Variants in HIPK2 observed in about 807,000 individuals in gnomAD.
The protein encoded by HIPK2 is homeodomain interacting protein kinase 2.
A neutral mutation model predicts 113.7 loss-of-function variants in HIPK2; 27 were observed. That is an observed-to-expected ratio of 0.24 (90% CI 0.17 to 0.33). HIPK2 has a LOEUF of 0.33. Among genes scored for constraint, HIPK2 ranks in the 10% least tolerant of loss-of-function variants. The probability of loss-of-function intolerance (pLI) is 1.00; values close to 1 mark genes in which losing one functional copy is unlikely to be tolerated. For missense variants in HIPK2, 1,257 were observed against 1,588.0 expected, an observed-to-expected ratio of 0.79 and a Z score of 3.54; for synonymous variants, 631 against 642.2, an observed-to-expected ratio of 0.98 and a Z score of 0.26.
chr7:139,688,547 G>T (rs2116761222), intron 2 of HIPK2, among the ~76,000 whole-genome samples: 1 of 152,334 alleles, frequency 6.6e-6, no homozygotes, highest in South Asian at 2.1e-4. Flanking sequence ...TCTTCCAAGG[G>T]CTATGGTTGG....
At chr7:139,743,352 T>C (rs1276716787) in intron 1 of HIPK2, among the ~76,000 whole-genome samples, 1 of 152,182 alleles carries the variant, frequency 6.6e-6, no homozygotes, top group Non-Finnish European at 1.5e-5. Context: ...CCTAGAAAAC[T>C]CCCTTCTCTT....
At chr7:139,770,773 G>A (rs1796637012) in intron 1 of HIPK2, among the ~76,000 whole-genome samples, 1 of 152,196 alleles carries the variant, frequency 6.6e-6, no homozygotes, top group South Asian at 2.1e-4. Flanking sequence ...CTTAAACACA[G>A]TGGCATTTAA....
chr7:139,682,054 T>C (rs1192568594), intron 2 of HIPK2, among the ~76,000 whole-genome samples: 1 of 152,220 alleles, frequency 6.6e-6, no homozygotes, highest in African/African-American at 2.4e-5. Flanking sequence ...CTGGGCCATG[T>C]AGAGGACTCA....
chr7:139,684,704 G>C (rs931253401), intron 2 of HIPK2, among the ~76,000 whole-genome samples: 4 of 152,330 alleles, frequency 2.6e-5, no homozygotes, highest in East Asian at 1.9e-4. Flanking sequence ...ACAACAGAGA[G>C]AGACTGTCTT....
chr7:139,621,858 G>T (rs915706366), intron 6 of HIPK2, among the ~76,000 whole-genome samples: 1 of 149,502 alleles, frequency 6.7e-6, no homozygotes, highest in South Asian at 2.1e-4. Context: ...GTGAGGTCGA[G>T]GCTACAGTGA....
chr7:139,685,411 C>T (rs1794185876), intron 2 of HIPK2, among the ~76,000 whole-genome samples: 2 of 152,200 alleles, frequency 1.3e-5, no homozygotes, highest in Non-Finnish European at 2.9e-5. Flanking sequence ...AATCCTCCTT[C>T]CTCAGCTTCC....
intron 2 of HIPK2, among the ~76,000 whole-genome samples, chr7:139,642,728 GA>G (rs1179429973): frequency 6.6e-6 from 1 of 152,114 alleles, no homozygotes; most frequent in Non-Finnish European, 1.5e-5. Flanking sequence ...CAAGCAAAAG[GA>G]AAAAGGGACC....
intron 2 of HIPK2, among the ~76,000 whole-genome samples, chr7:139,679,303 A>C (rs947218597): frequency 3.9e-5 from 6 of 152,204 alleles, no homozygotes; most frequent in African/African-American, 1.4e-4. Flanking sequence ...ACCAGGGAGA[A>C]GCCTTCACGG....
At chr7:139,678,137 T>C (rs894473513) in intron 2 of HIPK2, among the ~76,000 whole-genome samples, 1 of 152,216 alleles carries the variant, frequency 6.6e-6, no homozygotes, top group Non-Finnish European at 1.5e-5. Context: ...GTCAGATGGA[T>C]AGATTGCAAA....
chr7:139,758,021 G>A (rs1292583339), intron 1 of HIPK2, among the ~76,000 whole-genome samples: 2 of 152,134 alleles, frequency 1.3e-5, no homozygotes, highest in Non-Finnish European at 2.9e-5. Context: ...AGAACACATA[G>A]AAAACATTGT....
Position 139,572,605 on chromosome 7 carries a change from T to G in HIPK2, c.*322A>C. The stretch of plus-strand genomic sequence containing the variant: ...GGTTCTTGAGCTGGGTTTTTTGTTA[T>G]TGACTTTTTTTTTTTCCTTTTTCTT... On this transcript the variant is annotated 3_prime_UTR_variant, in exon 15 of 15. Coordinates refer to ENST00000406875, the MANE Select transcript of HIPK2 (RefSeq NM_022740.5). 1 of 246,974 alleles carries G rather than the reference T, an allele frequency of 4.0e-6. No individual in the cohort carries two copies. Among genetic ancestry groups the G allele is most frequent in the East Asian group, 7.5e-5 (1 of 13,374 alleles). The allele number at this position is 246,974 out of a possible 1,614,324, so 15.3% of individuals were successfully genotyped here. A position where few individuals can be genotyped will look rare whatever the true frequency, so the allele number is the denominator to read the frequency against.
chr7:139,719,268 A>G (rs1795338838), intron 1 of HIPK2, among the ~76,000 whole-genome samples: 1 of 151,960 alleles, frequency 6.6e-6, no homozygotes, highest in Non-Finnish European at 1.5e-5. Flanking sequence ...CACCACGCCC[A>G]GCTAATTTTC....
At chr7:139,775,501 G>A (rs1796724203) in intron 1 of HIPK2, among the ~76,000 whole-genome samples, 1 of 152,094 alleles carries the variant, frequency 6.6e-6, no homozygotes. Context: ...TTATAAAGGT[G>A]CACAGATAAA....
chr7:139,563,455 G>A lies in HIPK2; in HGVS notation c.*9472C>T, dbSNP rs1043227628. Reference sequence around the variant, plus strand: ...GACCCTATATAAGGAAGGGGGCGGTGCCAGGAGAGATTCGTTTGGAGATTG... The same window carrying A: ...GACCCTATATAAGGAAGGGGGCGGTACCAGGAGAGATTCGTTTGGAGATTG... On this transcript the variant is annotated 3_prime_UTR_variant, in exon 15 of 15. Coordinates refer to ENST00000406875, the MANE Select transcript of HIPK2 (RefSeq NM_022740.5). 1.6e-4 allele frequency: 25 copies of A among 158,444 alleles called. No homozygotes were observed. Among genetic ancestry groups the A allele is most frequent in the Non-Finnish European group, 3.3e-4 (24 of 72,298 alleles). 9.8% of individuals were successfully genotyped at this position (158,444 alleles called of 1,614,324 possible). A position where few individuals can be genotyped will look rare whatever the true frequency, so the allele number is the denominator to read the frequency against.
intron 2 of HIPK2, among the ~76,000 whole-genome samples, chr7:139,633,018 C>A (rs982413366): frequency 6.7e-6 from 1 of 149,970 alleles, no homozygotes; most frequent in African/African-American, 2.5e-5. Context: ...ATTGCTTGGA[C>A]CCGGGAGGTG....
chr7:139,604,695 A>C (rs2116715496), intron 9 of HIPK2, among the ~76,000 whole-genome samples: 1 of 151,398 alleles, frequency 6.6e-6, no homozygotes, highest in East Asian at 1.9e-4. Flanking sequence ...AAAAAAAAAA[A>C]AAAAAAAAAA....
At chr7:139,670,288 T>C (rs561862627) in intron 2 of HIPK2, among the ~76,000 whole-genome samples, 4 of 152,110 alleles carry the variant, frequency 2.6e-5, no homozygotes, top group Non-Finnish European at 4.4e-5. Context: ...TCTTCATATG[T>C]CTAAGGAAAC....
intron 14 of HIPK2, 26 bp downstream of exon 14, chr7:139,575,102 C>T: frequency 1.9e-6 from 3 of 1,571,246 alleles, no homozygotes; most frequent in South Asian, 1.2e-5. Context: ...CCCTGCCTGG[C>T]CTGGGGCGCC....
Position 139,716,161 on chromosome 7 carries a change from T to C in HIPK2, c.874A>G (p.Lys292Glu), listed in dbSNP as rs767523092. ...QNLYDFLKQN[K>E]FSPLPLKYIR... ...TATTTGAGGGGCAAGGGGCTAAACT[T>C]GTTTTGCTTCAGAAAGTCATAGAGG... is the stretch of plus-strand genomic sequence containing the variant. Residue 292 changes from lysine (K) to glutamate (E), a missense_variant, in exon 2 of 15, where the codon AAG (lysine) becomes GAG (glutamate). By Grantham distance (56) the Lys-to-Glu change is moderately conservative. Transcript: ENST00000406875. The surrounding 1 kb of genome is among the most constrained non-coding windows in gnomAD (Gnocchi z 9.3). 1 of 1,614,016 alleles carries C rather than the reference T, an allele frequency of 6.2e-7. No homozygotes were observed. The highest frequency in any genetic ancestry group is 8.5e-7 in the Non-Finnish European group (1 of 1,179,902).
Sources: gnomAD v4.1 joint callset for allele counts (sites outside exome capture counted in the v4.1 genomes callset) on GRCh38, gnomAD v4.1.1 for gene constraint, Gnocchi (gnomAD v3.1) non-coding constraint, MANE v1.5 for transcripts, NCBI Gene and HGNC (gene_info 2026-07-23, HGNC 2026-07-21) for gene names.